The following MAGI2 variants were observed in gnomAD, a reference collection of about 807,000 sequenced individuals.
The protein encoded by MAGI2 is membrane associated guanylate kinase, WW and PDZ domain containing 2.
A neutral mutation model predicts 133.3 loss-of-function variants in MAGI2; 35 were observed. That is an observed-to-expected ratio of 0.26 (90% confidence interval 0.20 to 0.35). MAGI2 has a LOEUF of 0.35. MAGI2 is among the 10% of genes least tolerant of loss of function. The probability of loss-of-function intolerance (pLI) is 1.00; values close to 1 mark genes in which losing one functional copy is unlikely to be tolerated. For missense variants in MAGI2, 1,636 were observed against 1,863.4 expected (o/e 0.88, Z 2.25); for synonymous variants, 729 against 710.6 (o/e 1.03, Z -0.41).
intron 5 of MAGI2, 78 bp downstream of exon 5, chr7:78,501,499 T>TTCC: frequency 5.0e-6 from 6 of 1,208,542 alleles, no homozygotes; most frequent in South Asian, 4.2e-5. Context: ...TTTTTTTTTT[T>TTCC]CCACGTCTAA....
chr7:78,619,385 A>G (rs975276445), intron 3 of MAGI2, among the ~76,000 whole-genome samples: 2 of 151,876 alleles, frequency 1.3e-5, no homozygotes, highest in African/African-American at 2.4e-5. Flanking sequence ...GACCTTAATT[A>G]TATTTCCTTC....
intron 1 of MAGI2, among the ~76,000 whole-genome samples, chr7:79,384,034 A>G (rs964664201): frequency 3.3e-5 from 5 of 151,586 alleles, no homozygotes; most frequent in African/African-American, 9.7e-5. Flanking sequence ...AGAGTAGCAC[A>G]TGAATATTTA....
At chr7:79,349,381 A>T (rs750931200) in intron 1 of MAGI2, among the ~76,000 whole-genome samples, 16 of 152,004 alleles carry the variant, frequency 1.1e-4, no homozygotes, top group Non-Finnish European at 2.1e-4. Context: ...AACCCTGGAC[A>T]AGTATTCTAC....
At chr7:78,374,846 A>AT (rs536175501) in intron 6 of MAGI2, among the ~76,000 whole-genome samples, 3,261 of 148,720 alleles carry the variant, frequency 0.022, 118 homozygotes, top group African/African-American at 0.074. Flanking sequence ...CATTGTGTTG[A>AT]TTTTTTTTTT....
intron 9 of MAGI2, among the ~76,000 whole-genome samples, chr7:78,326,174 G>A (rs1788565700): frequency 6.6e-6 from 1 of 152,210 alleles, no homozygotes; most frequent in Non-Finnish European, 1.5e-5. Context: ...TGTACCTGAC[G>A]TAGCCCCAGG....
At chr7:78,226,702 G>T (rs1417572330) in intron 10 of MAGI2, among the ~76,000 whole-genome samples, 5 of 152,258 alleles carry the variant, frequency 3.3e-5, no homozygotes, top group South Asian at 2.1e-4. Context: ...TTCCTGCCAG[G>T]TAAAACAATT....
At chr7:78,398,870 T>C (rs894006689) in intron 6 of MAGI2, among the ~76,000 whole-genome samples, 3 of 152,202 alleles carry the variant, frequency 2.0e-5, no homozygotes, top group Non-Finnish European at 2.9e-5. Context: ...ATCTCCCTTA[T>C]TGCAGTGATC....
At chr7:78,889,207 C>T (rs947970370) in intron 2 of MAGI2, among the ~76,000 whole-genome samples, 3 of 152,128 alleles carry the variant, frequency 2.0e-5, no homozygotes, top group African/African-American at 7.2e-5. Context: ...TGAACAAAGC[C>T]TCCAAGAAAT....
At chr7:79,392,678 T>C (rs1844751453) in intron 1 of MAGI2, among the ~76,000 whole-genome samples, 1 of 152,232 alleles carries the variant, frequency 6.6e-6, no homozygotes, top group East Asian at 1.9e-4. Context: ...TGTCTGTTCA[T>C]AACCTTTGCC....
intron 2 of MAGI2, among the ~76,000 whole-genome samples, chr7:78,845,235 A>G (rs1386254430): frequency 6.6e-6 from 1 of 151,974 alleles, no homozygotes; most frequent in Non-Finnish European, 1.5e-5. Context: ...CAAATACAGT[A>G]TGAAAGCAAT....
At chr7:78,466,535 C>G (rs892938812) in intron 6 of MAGI2, among the ~76,000 whole-genome samples, 2 of 152,242 alleles carry the variant, frequency 1.3e-5, no homozygotes, top group East Asian at 3.9e-4. Flanking sequence ...TTATAAATAA[C>G]TAAAATAGGT....
intron 1 of MAGI2, among the ~76,000 whole-genome samples, chr7:79,301,016 G>A (rs1837357107): frequency 6.6e-6 from 1 of 152,374 alleles, no homozygotes; most frequent in South Asian, 2.1e-4. Flanking sequence ...CAAGACTTGA[G>A]GCTTGGGAGC....
intron 9 of MAGI2, among the ~76,000 whole-genome samples, chr7:78,281,899 G>A (rs200324133): frequency 8.2e-5 from 11 of 134,946 alleles, no homozygotes; most frequent in Admixed American, 1.5e-4. Context: ...AAAAAAAAAG[G>A]AGAAAACTTG....
intron 9 of MAGI2, among the ~76,000 whole-genome samples, chr7:78,293,712 T>G (rs1402810822): frequency 6.6e-6 from 1 of 152,078 alleles, no homozygotes; most frequent in Non-Finnish European, 1.5e-5. Context: ...TAGACTGGAT[T>G]AAGAAAATGT....
At chr7:78,294,144 T>TATC (rs1168680497) in intron 9 of MAGI2, among the ~76,000 whole-genome samples, 3 of 152,166 alleles carry the variant, frequency 2.0e-5, no homozygotes, top group Non-Finnish European at 4.4e-5. Context: ...AATATTTCAA[T>TATC]ATCATTTTTT....
In MAGI2 at chr7:78,589,709, C is replaced by T. The variant is rs371154364; in HGVS notation, c.538+37411G>A. 7.9e-5 allele frequency among the ~76,000 whole-genome samples: 12 copies of T among 152,266 alleles called. No individual in the cohort carries two copies. The South Asian group carries it at 8.3e-4, about 11-fold the overall frequency. Reference sequence around the variant, plus strand: ...AATTGCATTGCAAATGCTCCATGCACGTAGCCATGGTAGAAAGGGTACATG... The same window carrying T: ...AATTGCATTGCAAATGCTCCATGCATGTAGCCATGGTAGAAAGGGTACATG... On this transcript the variant is annotated intron_variant, in intron 3 of 21. Coordinates refer to ENST00000354212, the MANE Select transcript of MAGI2 (RefSeq NM_012301.4).
intron 1 of MAGI2, among the ~76,000 whole-genome samples, chr7:79,322,415 G>C (rs548268854): frequency 1.3e-5 from 2 of 152,166 alleles, no homozygotes; most frequent in East Asian, 3.9e-4. Flanking sequence ...TCTGAAGCCA[G>C]ACTGTCTAGG....
At chr7:78,490,067 C>G (rs946191002) in intron 5 of MAGI2, 1 of 471,068 alleles carries the variant, frequency 2.1e-6, no homozygotes, top group Non-Finnish European at 3.7e-6. Context: ...TTATTAAAAT[C>G]AACTAGAATG....
At chr7:78,548,103 G>C (rs954339731) in intron 3 of MAGI2, among the ~76,000 whole-genome samples, 1 of 151,700 alleles carries the variant, frequency 6.6e-6, no homozygotes, top group African/African-American at 2.4e-5. Flanking sequence ...GAGTTAGAAA[G>C]AGCCTTGACC....
Sources: allele counts gnomAD v4.1 joint callset (sites outside exome capture counted in the v4.1 genomes callset), GRCh38; gene constraint gnomAD v4.1.1; transcripts MANE v1.5; gene names NCBI Gene and HGNC (gene_info 2026-07-23, HGNC 2026-07-21).